GDPD4: variants seen among roughly 807,000 people sequenced by gnomAD.
GDPD4 encodes the protein glycerophosphodiester phosphodiesterase domain containing 4.
A neutral mutation model predicts 67.8 loss-of-function variants in GDPD4; 60 were observed. The ratio of observed to expected loss-of-function variants is 0.88; its 90% confidence interval spans 0.72 to 1.10. The LOEUF (loss-of-function observed/expected upper bound fraction) is 1.10, where lower values mean the gene tolerates loss of function less well. GDPD4 is among the 50% of genes least tolerant of loss of function. The pLI, the probability that GDPD4 is intolerant of heterozygous loss-of-function variation, is 0.00. For synonymous variants in GDPD4, 212 were observed against 210.9 expected (o/e 1.00, Z -0.04); for missense variants, 623 against 613.9 (o/e 1.01, Z -0.16).
chr11:77,247,043 C>G (rs894474562), intron 11 of GDPD4, among the ~76,000 whole-genome samples: 1 of 152,172 alleles, frequency 6.6e-6, no homozygotes, highest in African/African-American at 2.4e-5. Flanking sequence ...TCATACCTCT[C>G]CTATTTCTTC....
chr11:77,271,094 G>A, intron 7 of GDPD4, 36 bp downstream of exon 7: 3 of 1,438,258 alleles, frequency 2.1e-6, no homozygotes, highest in East Asian at 4.5e-5. Flanking sequence ...AGCCAGAGCT[G>A]AAGAAATAGG....
intron 11 of GDPD4, among the ~76,000 whole-genome samples, chr11:77,256,199 C>G (rs1195488665): frequency 5.9e-5 from 9 of 152,202 alleles, no homozygotes; most frequent in Non-Finnish European, 1.2e-4. Context: ...AGACTTTTAT[C>G]AGCCTTATAT....
intron 16 of GDPD4, among the ~76,000 whole-genome samples, chr11:77,223,508 T>C (rs961111424): frequency 6.6e-6 from 1 of 152,158 alleles, no homozygotes; most frequent in Non-Finnish European, 1.5e-5. Context: ...TTTGCCTGGG[T>C]ATCACCAGCA....
intron 10 of GDPD4, among the ~76,000 whole-genome samples, chr11:77,259,391 A>C (rs974272125): frequency 1.3e-5 from 2 of 151,530 alleles, no homozygotes; most frequent in African/African-American, 2.4e-5. Context: ...TTATGAAACT[A>C]TCTCTCCCTT....
rs1316068336 is a variant in GDPD4 at position 77,287,309 on chromosome 11, C to G, written c.-142G>C. On this transcript the variant is annotated 5_prime_UTR_variant, in exon 2 of 17. An upstream start codon of the reference 5' UTR is lost. Transcript: ENST00000315938. ...GCAGCCAGTAAGGAAGGTGACAAAG[C>G]ATTTGTGGTTGAAGATGCGTGGAAT... The G allele has an allele frequency of 6.6e-6, 1 of 152,200 alleles. No individual in the cohort carries two copies. Among genetic ancestry groups the G allele is most frequent in the East Asian group, 1.9e-4 (1 of 5,192 alleles). The allele number at this position is 152,200 out of a possible 1,614,324, so 9.4% of individuals were successfully genotyped here.
chr11:77,232,792 T>C (rs1016526666), intron 14 of GDPD4, among the ~76,000 whole-genome samples: 1 of 152,256 alleles, frequency 6.6e-6, no homozygotes, highest in African/African-American at 2.4e-5. Flanking sequence ...ACATAACGCA[T>C]GTCAAGCACA....
chr11:77,277,280 C>T (rs1046784505), intron 4 of GDPD4, among the ~76,000 whole-genome samples: 8 of 151,424 alleles, frequency 5.3e-5, no homozygotes, highest in African/African-American at 1.9e-4. Flanking sequence ...CCCTCCAAAC[C>T]ACAACATCAA....
chr11:77,232,015 G>A (rs972522591), intron 14 of GDPD4, among the ~76,000 whole-genome samples: 1 of 152,170 alleles, frequency 6.6e-6, no homozygotes, highest in Non-Finnish European at 1.5e-5. Flanking sequence ...CTTTTCCCCT[G>A]GTCCTGACCC....
intron 16 of GDPD4, among the ~76,000 whole-genome samples, chr11:77,225,441 T>G (rs746936614): frequency 6.6e-6 from 1 of 152,100 alleles, no homozygotes; most frequent in Non-Finnish European, 1.5e-5. Context: ...TCCAATTTGA[T>G]GAAAATTATA....
chr11:77,290,112 C>G (rs1423142500), intron 1 of GDPD4, among the ~76,000 whole-genome samples: 3 of 152,152 alleles, frequency 2.0e-5, no homozygotes, highest in Admixed American at 6.5e-5. Context: ...TATAGTCAAA[C>G]TGCCAAAAGC....
chr11:77,229,254 G>GA, intron 14 of GDPD4, 22 bp from the exon 15 acceptor site: 1 of 1,455,988 alleles, frequency 6.9e-7, no homozygotes, highest in Non-Finnish European at 9.5e-7. Context: ...AAACCACAGT[G>GA]AAAGAACTTT....
chr11:77,260,978 A>G (rs1959104842), intron 10 of GDPD4, among the ~76,000 whole-genome samples: 1 of 152,224 alleles, frequency 6.6e-6, no homozygotes, highest in Admixed American at 6.5e-5. Context: ...AGGTGCAGAA[A>G]AAAACATTTC....
intron 14 of GDPD4, among the ~76,000 whole-genome samples, chr11:77,232,164 C>T (rs1358692682): frequency 6.6e-6 from 1 of 152,144 alleles, no homozygotes; most frequent in Non-Finnish European, 1.5e-5. Flanking sequence ...GGATTGGACT[C>T]TTAATTCTGA....
intron 13 of GDPD4, among the ~76,000 whole-genome samples, chr11:77,234,554 T>C (rs890552207): frequency 6.6e-6 from 1 of 152,184 alleles, no homozygotes; most frequent in Non-Finnish European, 1.5e-5. Flanking sequence ...TATGTCCATG[T>C]GTACCCAATG....
chr11:77,235,009 G>GTTTTTTGTTTTT (rs1958524952), intron 13 of GDPD4, among the ~76,000 whole-genome samples: 12 of 52,252 alleles, frequency 2.3e-4, no homozygotes, highest in African/African-American at 7.6e-4. Context: ...GTCAATATCT[G>GTTTTTTGTTTTT]TTTTTTTTTT....
chr11:77,237,016 T>A (rs1958582000), intron 13 of GDPD4, among the ~76,000 whole-genome samples: 1 of 152,162 alleles, frequency 6.6e-6, no homozygotes, highest in Non-Finnish European at 1.5e-5. Flanking sequence ...CCTGTTTAAG[T>A]CTTTCTTTAT....
chr11:77,255,830 G>A (rs766485941), intron 11 of GDPD4, among the ~76,000 whole-genome samples: 2 of 151,936 alleles, frequency 1.3e-5, no homozygotes, highest in African/African-American at 2.4e-5. Context: ...TCACACCACC[G>A]CATTCCACCC....
rs114010166 is a variant in GDPD4, at chr11:77,278,276, C to A, written c.147+1030G>T. Among the ~76,000 whole-genome samples the A allele has an allele frequency of 3.6e-3, 551 of 152,206 alleles. 2 individuals carry two copies. The highest frequency in any genetic ancestry group is 0.011 in the African/African-American group (467 of 41,536). On this transcript the variant is annotated intron_variant, in intron 4 of 16. Coordinates refer to ENST00000315938, the MANE Select transcript of GDPD4 (RefSeq NM_182833.3). ...TGGCCCCCCATTATTCTTCATTATG[C>A]CCTACATACTAACAGAACTGACCGT...
chr11:77,233,446 G>GAAAAAAAAAAAAA (rs34507126), intron 13 of GDPD4, among the ~76,000 whole-genome samples: 1 of 100,408 alleles, frequency 1.0e-5, no homozygotes, highest in African/African-American at 4.2e-5. Flanking sequence ...AAAACATATT[G>GAAAAAAAAAAAAA]AAAAAAAAAA....
Sources: gnomAD v4.1 joint callset for allele counts (sites outside exome capture counted in the v4.1 genomes callset) on GRCh38, gnomAD v4.1.1 for gene constraint, MANE v1.5 for transcripts, NCBI Gene and HGNC (gene_info 2026-07-23, HGNC 2026-07-21) for gene names.